Variants in SLC7A1 observed in about 807,000 individuals in gnomAD.
SLC7A1 encodes solute carrier family 7 member 1.
SLC7A1 carries 10 observed loss-of-function variants against 53.9 expected under a neutral mutation model. The ratio of observed to expected loss-of-function variants is 0.19; its 90% CI spans 0.11 to 0.31. The LOEUF (loss-of-function observed/expected upper bound fraction) is 0.31, where lower values mean the gene tolerates loss of function less well. Among genes scored for constraint, SLC7A1 ranks in the 10% least tolerant of loss-of-function variants. SLC7A1 has a pLI of 1.00. For synonymous variants in SLC7A1, 342 were observed against 338.7 expected (o/e 1.01, Z -0.11); for missense variants, 525 against 827.2 (o/e 0.63, Z 4.48).
chr13:29,588,417 T>C (rs1275808942), intron 1 of SLC7A1, among the ~76,000 whole-genome samples: 1 of 152,046 alleles, frequency 6.6e-6, no homozygotes, highest in Admixed American at 6.5e-5. Context: ...GGAGAGAGAA[T>C]AGAAGGAGGC....
At chr13:29,522,289 T>G in intron 8 of SLC7A1, 28 bp downstream of exon 8, 7 of 1,613,256 alleles carry the variant, frequency 4.3e-6, no homozygotes, top group Non-Finnish European at 5.9e-6. Flanking sequence ...TTAAAACATT[T>G]CCATGTGAAA....
intron 2 of SLC7A1, among the ~76,000 whole-genome samples, chr13:29,542,276 G>A (rs1156440733): frequency 6.6e-6 from 1 of 152,112 alleles, no homozygotes; most frequent in Non-Finnish European, 1.5e-5. Context: ...CCAACATGGT[G>A]AAACACCATC....
intron 2 of SLC7A1, among the ~76,000 whole-genome samples, chr13:29,540,552 T>A (rs892487002): frequency 6.6e-6 from 1 of 152,214 alleles, no homozygotes; most frequent in African/African-American, 2.4e-5. Context: ...CGTTTTCACC[T>A]TGAATTTAAC....
chr13:29,549,034 T>TTGGCCTGGCTGACCACC (rs1477669643), intron 2 of SLC7A1, among the ~76,000 whole-genome samples: 1 of 152,234 alleles, frequency 6.6e-6, no homozygotes, highest in African/African-American at 2.4e-5. Context: ...TCACAGCCTC[T>TTGGCCTGGCTGACCACC]TGGCCTGGCT....
At chr13:29,564,791 C>T (rs1337748492) in intron 1 of SLC7A1, among the ~76,000 whole-genome samples, 1 of 152,180 alleles carries the variant, frequency 6.6e-6, no homozygotes, top group Non-Finnish European at 1.5e-5. Flanking sequence ...GCTACATTCA[C>T]AGAATTATTT....
chr13:29,516,366 GAAGA>G, intron 11 of SLC7A1, 120 bp from the exon 12 acceptor site: 1 of 667,252 alleles, frequency 1.5e-6, no homozygotes, highest in East Asian at 2.8e-5. Flanking sequence ...CGAGTGTGGG[GAAGA>G]GAGAGGGAGT....
At position 29,545,302 on chromosome 13, in the gene SLC7A1, G is replaced by A. The variant is rs533701496; in HGVS notation, c.-15+8459C>T. ...TCACAGGTAACCTCTGTCACAGGCT[G>A]CACCCTCTGCCCACCCCCTTCACCC... is the stretch of plus-strand genomic sequence containing the variant. On this transcript the variant is annotated intron_variant, in intron 2 of 12. Coordinates refer to ENST00000380752, the MANE Select transcript of SLC7A1 (RefSeq NM_003045.5). Among the ~76,000 whole-genome samples the A allele has an allele frequency of 2.6e-5, 4 of 152,250 alleles. No homozygotes were observed. The South Asian group carries it at 6.2e-4, about 24-fold the overall frequency.
At chr13:29,554,863 A>C (rs898964002) in intron 1 of SLC7A1, among the ~76,000 whole-genome samples, 2 of 152,138 alleles carry the variant, frequency 1.3e-5, no homozygotes, top group African/African-American at 2.4e-5. Flanking sequence ...ATTCCTTTTC[A>C]CTTTCTATGT....
intron 9 of SLC7A1, 140 bp downstream of exon 9, chr13:29,519,307 C>CT: frequency 1.8e-6 from 1 of 554,456 alleles, no homozygotes; most frequent in South Asian, 2.1e-5. Context: ...AACCCAGGTC[C>CT]TCCCCTCTCC....
intron 5 of SLC7A1, among the ~76,000 whole-genome samples, chr13:29,528,829 T>G (rs1387464379): frequency 6.6e-6 from 1 of 152,094 alleles, no homozygotes; most frequent in African/African-American, 2.4e-5. Context: ...AAATGCTGCT[T>G]TGTCTGGGGG....
chr13:29,531,424 G>A (rs1405214735), intron 4 of SLC7A1, among the ~76,000 whole-genome samples: 4 of 152,102 alleles, frequency 2.6e-5, no homozygotes, highest in Non-Finnish European at 5.9e-5. Context: ...GAGGTCATTC[G>A]GGTACTTCCA....
intron 1 of SLC7A1, among the ~76,000 whole-genome samples, chr13:29,591,080 A>T (rs1566280409): frequency 6.6e-6 from 1 of 152,174 alleles, no homozygotes; most frequent in East Asian, 1.9e-4. Context: ...ACTGCACTCC[A>T]GCCTGGGTGA....
chr13:29,544,935 G>C (rs1295878464), intron 2 of SLC7A1, among the ~76,000 whole-genome samples: 2 of 151,154 alleles, frequency 1.3e-5, no homozygotes, highest in Non-Finnish European at 2.9e-5. Flanking sequence ...CCAGGGCAAG[G>C]GCTGCATCCT....
chr13:29,573,729 T>C (rs1461477666), intron 1 of SLC7A1, among the ~76,000 whole-genome samples: 1 of 152,208 alleles, frequency 6.6e-6, no homozygotes, highest in African/African-American at 2.4e-5. Flanking sequence ...CAACAAATAA[T>C]CTTTTAGTAT....
chr13:29,574,617 C>T (rs9314960), intron 1 of SLC7A1, among the ~76,000 whole-genome samples: 9,839 of 149,178 alleles, frequency 0.066, 405 homozygotes, highest in Middle Eastern at 0.17. Context: ...CTTAACATTT[C>T]GTAGCACTCA....
intron 12 of SLC7A1, 145 bp downstream of exon 12, chr13:29,515,993 G>A: frequency 3.5e-6 from 2 of 570,268 alleles, no homozygotes; most frequent in Non-Finnish European, 6.3e-6. Flanking sequence ...ACAGGGAGGA[G>A]AGGACTCACA....
chr13:29,574,081 C>G (rs1012471787), intron 1 of SLC7A1, among the ~76,000 whole-genome samples: 1 of 152,168 alleles, frequency 6.6e-6, no homozygotes, highest in Non-Finnish European at 1.5e-5. Flanking sequence ...TTCAGAGACA[C>G]CACAGGGGGT....
At chr13:29,585,577 T>C (rs1871846125) in intron 1 of SLC7A1, among the ~76,000 whole-genome samples, 1 of 152,164 alleles carries the variant, frequency 6.6e-6, no homozygotes, top group African/African-American at 2.4e-5. Context: ...AAAGCCGCCA[T>C]CCTCGGGAAC....
rs781455858 is a variant in SLC7A1, at chr13:29,523,490, T to TAGA, written c.827-5_827-3dup. 5.0e-6 allele frequency: 8 copies of TAGA among 1,610,488 alleles called. No individual in the cohort carries two copies. The highest frequency in any genetic ancestry group is 6.8e-6 in the Non-Finnish European group (8 of 1,177,164). On this transcript the variant is annotated splice_polypyrimidine_tract_variant and splice_region_variant and intron_variant, in intron 6 of 12. Transcript: ENST00000380752. ...TCTGTGGGTTCTTCACCTCTTCACC[T>TAGA]AGAAGCACAAGGGGTCAGCGGAGGA...
Sources: allele counts gnomAD v4.1 joint callset (sites outside exome capture counted in the v4.1 genomes callset), GRCh38; gene constraint gnomAD v4.1.1; transcripts MANE v1.5; gene names NCBI Gene and HGNC (gene_info 2026-07-23, HGNC 2026-07-21).